ASB15: variants seen among roughly 807,000 people sequenced by gnomAD.
ASB15 encodes ankyrin repeat and SOCS box protein 15.
A neutral mutation model predicts 58.0 loss-of-function variants in ASB15; 54 were observed. The ratio of observed to expected loss-of-function variants is 0.93; its 90% CI spans 0.75 to 1.17. The LOEUF (loss-of-function observed/expected upper bound fraction) is 1.17, where lower values mean the gene tolerates loss of function less well. Ranked by LOEUF, ASB15 falls within the 50% of genes most tolerant of loss-of-function variation. The pLI, the probability that ASB15 is intolerant of heterozygous loss-of-function variation, is 0.00. For synonymous variants in ASB15, 249 were observed against 262.4 expected (o/e 0.95, Z 0.50); for missense variants, 680 against 707.4 (o/e 0.96, Z 0.44).
At chr7:123,602,094 A>C (rs1453519437) in intron 1 of ASB15, among the ~76,000 whole-genome samples, 180 bp downstream of exon 1, 2 of 152,142 alleles carry the variant, frequency 1.3e-5, no homozygotes, top group African/African-American at 4.8e-5. Flanking sequence ...TAAAGCTAGA[A>C]TTTGTTTGCT....
intron 1 of ASB15, among the ~76,000 whole-genome samples, chr7:123,570,891 AG>A (rs1798892316): frequency 6.6e-6 from 1 of 152,210 alleles, no homozygotes; most frequent in Admixed American, 6.5e-5. Context: ...AAGAACTCTC[AG>A]CAGGAATATA....
chr7:123,574,356 C>A (rs1002083516), intron 1 of ASB15, among the ~76,000 whole-genome samples: 5 of 152,046 alleles, frequency 3.3e-5, no homozygotes, highest in African/African-American at 7.2e-5. Context: ...TAGTATATGT[C>A]GGAATCACCT....
chr7:123,592,264 A>AT (rs1799560868), intron 1 of ASB15, among the ~76,000 whole-genome samples: 3 of 150,330 alleles, frequency 2.0e-5, no homozygotes, highest in Admixed American at 6.6e-5. Flanking sequence ...GGATTCATTG[A>AT]TTTTTTGTGT....
chr7:123,601,939 G>T (rs1324655368), intron 1 of ASB15, 25 bp downstream of exon 1: 1 of 152,134 alleles, frequency 6.6e-6, no homozygotes, highest in Non-Finnish European at 1.5e-5. Context: ...TATTTGATCT[G>T]TACCTCACCA....
intron 1 of ASB15, among the ~76,000 whole-genome samples, chr7:123,593,733 G>A (rs1799614391): frequency 6.6e-6 from 1 of 152,010 alleles, no homozygotes; most frequent in Non-Finnish European, 1.5e-5. Flanking sequence ...TTTCAACCTT[G>A]GTGAATCTGA....
intron 1 of ASB15, among the ~76,000 whole-genome samples, chr7:123,588,088 G>C (rs569232015): frequency 4.0e-5 from 6 of 151,758 alleles, no homozygotes; most frequent in Non-Finnish European, 2.9e-5. Flanking sequence ...TCAACTTTTT[G>C]CAAGAGTTTG....
Position 123,638,196 on chromosome 7 carries a change from G to C in ASB15, c.*1215G>C. 6.6e-6 allele frequency: 1 copy of C among 152,096 alleles called. No homozygotes were observed. The highest frequency in any genetic ancestry group is 6.6e-5 in the Admixed American group (1 of 15,262). The allele number at this position is 152,096 out of a possible 1,614,324, so 9.4% of individuals were successfully genotyped here. On this transcript the variant is annotated 3_prime_UTR_variant, in exon 12 of 12. Transcript: ENST00000451215. ...TTTCTACATACAGCATCTCAGAAGA[G>C]TCTTTTACAAATATAATAGAGTTTC...
At chr7:123,612,671 C>A (rs1399204927) in intron 3 of ASB15, among the ~76,000 whole-genome samples, 3 of 151,968 alleles carry the variant, frequency 2.0e-5, no homozygotes, top group Non-Finnish European at 4.4e-5. Context: ...ACAGAGTGAA[C>A]AATCAAATTT....
At chr7:123,583,183 G>A (rs940542507) in intron 1 of ASB15, among the ~76,000 whole-genome samples, 1 of 151,864 alleles carries the variant, frequency 6.6e-6, no homozygotes, top group East Asian at 1.9e-4. Context: ...TTGAGGCCAG[G>A]AGTTCAAGAT....
intron 9 of ASB15, 25 bp from the exon 10 acceptor site, chr7:123,628,839 T>G (rs1256188342): frequency 2.1e-6 from 3 of 1,403,024 alleles, no homozygotes; most frequent in Non-Finnish European, 2.9e-6. Context: ...TTATGGCAAG[T>G]AGATATTTGA....
chr7:123,578,839 T>C (rs141825737), intron 1 of ASB15, among the ~76,000 whole-genome samples: 283 of 152,290 alleles, frequency 1.9e-3, no homozygotes, highest in Middle Eastern at 0.01. Context: ...TCAATCTATT[T>C]GAAATAACTA....
intron 1 of ASB15, among the ~76,000 whole-genome samples, chr7:123,593,374 C>G (rs1175740708): frequency 2.0e-5 from 3 of 151,948 alleles, no homozygotes; most frequent in Admixed American, 2.0e-4. Flanking sequence ...CCTCGATGGT[C>G]TTTATAATTT....
rs61746459 is a variant in ASB15, at chr7:123,636,869, A to G, written c.1655A>G (p.Gln552Arg). ...AAAATTCGAAGGCTTATGGGTCTCCAGAAACTCTGCCAGCCAGCCTCAGTG... is the reference window on the plus strand; with the variant it reads ...AAAATTCGAAGGCTTATGGGTCTCCGGAAACTCTGCCAGCCAGCCTCAGTG... ...RLKIRRLMGLQKLCQPASVEK... is the reference protein window; with the variant it reads ...RLKIRRLMGLRKLCQPASVEK... The change falls in exon 12 of 12, where the codon CAG becomes CGG. Residue 552 changes from glutamine (Q) to arginine (R), a missense_variant. Gln to Arg is a conservative substitution (Grantham distance 43). Transcript: ENST00000451215. The G allele has an allele frequency of 1.1e-3, 1,832 of 1,609,388 alleles. 23 individuals carry two copies. The African/African-American group carries it at 0.022, about 19-fold the overall frequency.
chr7:123,610,959 A>G (rs1471122864), intron 3 of ASB15, among the ~76,000 whole-genome samples: 1 of 151,726 alleles, frequency 6.6e-6, no homozygotes, highest in African/African-American at 2.4e-5. Flanking sequence ...GCCGGTGCCT[A>G]TAATCCCAGC....
chr7:123,629,276 G>A lies in ASB15; in HGVS notation c.1282G>A (p.Asp428Asn), dbSNP rs775502718. 6 of 1,614,084 alleles carry A rather than the reference G, an allele frequency of 3.7e-6. No homozygotes were observed. The highest frequency in any genetic ancestry group is 2.2e-5 in the East Asian group (1 of 44,866). Residue 428 changes from aspartate to asparagine, a missense_variant, in exon 10 of 12, where the codon GAC becomes AAC. Coordinates refer to ENST00000451215, the MANE Select transcript of ASB15 (RefSeq NM_001290258.2). ...FPSVIQYALNDEVMLRLLLNN... is the reference protein window; with the variant it reads ...FPSVIQYALNNEVMLRLLLNN... ...CAGTGTCATTCAATATGCTCTAAACGACGAGGTAATGCTGAGGCTATTGCT... is the reference window on the plus strand; with the variant it reads ...CAGTGTCATTCAATATGCTCTAAACAACGAGGTAATGCTGAGGCTATTGCT...
intron 1 of ASB15, among the ~76,000 whole-genome samples, chr7:123,572,892 A>G (rs1798953325): frequency 6.6e-6 from 1 of 151,244 alleles, no homozygotes; most frequent in South Asian, 2.1e-4. Flanking sequence ...TATTTAATTA[A>G]TTGTTGACAT....
intron 1 of ASB15, among the ~76,000 whole-genome samples, chr7:123,588,859 A>C (rs761002117): frequency 2.6e-5 from 4 of 151,462 alleles, no homozygotes. Context: ...TTTAATCTTC[A>C]CATATTTTTT....
At chr7:123,616,089 C>T (rs1800792970) in intron 4 of ASB15, 132 bp from the exon 5 acceptor site, 1 of 727,444 alleles carries the variant, frequency 1.4e-6, no homozygotes, top group Non-Finnish European at 2.2e-6. Flanking sequence ...GAGATAAAAT[C>T]AATTATATGC....
At chr7:123,599,940 C>G (rs1370380365), upstream of ASB15, among the ~76,000 whole-genome samples, 1 of 152,148 alleles carries the variant, frequency 6.6e-6, no homozygotes, top group Non-Finnish European at 1.5e-5. Flanking sequence ...ATTTTGTTTC[C>G]CCTTTGAGAA....
Sources: gnomAD v4.1 joint callset for allele counts (sites outside exome capture counted in the v4.1 genomes callset) on GRCh38, gnomAD v4.1.1 for gene constraint, MANE v1.5 for transcripts, NCBI Gene and HGNC (gene_info 2026-07-23, HGNC 2026-07-21) for gene names.